TTLL11: variants seen among roughly 807,000 people sequenced by gnomAD.
TTLL11 encodes tubulin tyrosine ligase like 11, also known as tubulin polyglutamylase TTLL11.
A neutral mutation model predicts 51.7 loss-of-function variants in TTLL11; 42 were observed. The observed-to-expected ratio is 0.81, with a 90% CI of 0.64 to 1.05. The LOEUF is 1.05. Ranked by LOEUF, TTLL11 falls within the 50% of genes least tolerant of loss-of-function variation. The pLI is 0.00. For synonymous variants in TTLL11, 381 were observed against 383.5 expected (o/e 0.99, Z 0.08); for missense variants, 799 against 940.4 (o/e 0.85, Z 1.97).
rs534529811 is a variant in TTLL11 at position 121,890,397 on chromosome 9, G to A, written c.1482-19649C>T. Among the ~76,000 whole-genome samples, 37 of 152,166 alleles carry A rather than the reference G, an allele frequency of 2.4e-4. No individual in the cohort carries two copies. Among genetic ancestry groups the A allele is most frequent in the Admixed American group, 1.6e-3 (24 of 15,294 alleles). ...ACCAGTTTCCTGGCTCGCAACCTCC[G>A]CTTCCAATGTGTCCTTCATGTCATA... On this transcript the variant is annotated intron_variant, in intron 6 of 8. Transcript: ENST00000321582. The surrounding 1 kb of genome is among the most constrained non-coding windows in gnomAD (Gnocchi z 4.3).
rs570626705 is a variant in TTLL11 at position 122,078,883 on chromosome 9, T to G, written c.462+13804A>C. Among the ~76,000 whole-genome samples, 12 of 152,300 alleles carry G rather than the reference T, an allele frequency of 7.9e-5. No homozygotes were observed. The South Asian group carries it at 2.5e-3, about 32-fold the overall frequency. ...TCATAAGGAGTCTGAACTTTGTTCT[T>G]CAGGAAAATATTCAAAATTTCCCTG... is the stretch of plus-strand genomic sequence containing the variant. On this transcript the variant is annotated intron_variant, in intron 1 of 8. Coordinates refer to ENST00000321582, the MANE Select transcript of TTLL11 (RefSeq NM_001139442.2).
chr9:121,964,720 TC>T (rs1842350495), intron 6 of TTLL11, among the ~76,000 whole-genome samples: 1 of 152,028 alleles, frequency 6.6e-6, no homozygotes, highest in East Asian at 1.9e-4. Context: ...TCCTCGAGGC[TC>T]CCCCAACAGA....
intron 6 of TTLL11, among the ~76,000 whole-genome samples, chr9:121,879,774 TGG>T (rs1838711232): frequency 6.5e-5 from 3 of 46,064 alleles, no homozygotes; most frequent in Admixed American, 1.7e-4. Context: ...TAGACCAGGC[TGG>T]GCAACATAGC....
intron 7 of TTLL11, among the ~76,000 whole-genome samples, chr9:121,860,886 T>C (rs1018374278): frequency 6.6e-6 from 1 of 152,162 alleles, no homozygotes; most frequent in Non-Finnish European, 1.5e-5. Context: ...ACATTGTTTT[T>C]GTTTGGATTG....
chr9:122,052,510 C>A (rs1845190308), intron 1 of TTLL11, among the ~76,000 whole-genome samples: 1 of 152,188 alleles, frequency 6.6e-6, no homozygotes, highest in Non-Finnish European at 1.5e-5. Flanking sequence ...TAGCACGGGG[C>A]CTGGCACACA....
At chr9:121,947,340 A>T (rs2131593947) in intron 6 of TTLL11, among the ~76,000 whole-genome samples, 1 of 152,334 alleles carries the variant, frequency 6.6e-6, no homozygotes, top group Non-Finnish European at 1.5e-5. Flanking sequence ...GGCACCAAGA[A>T]AAAAGAAAAA....
At chr9:121,844,761 G>T (rs1729528433) in intron 8 of TTLL11, among the ~76,000 whole-genome samples, 1 of 151,974 alleles carries the variant, frequency 6.6e-6, no homozygotes, top group African/African-American at 2.4e-5. Context: ...ATTGGATACA[G>T]TCAAAGAAAG....
chr9:121,947,211 A>G (rs1415293799), intron 6 of TTLL11, among the ~76,000 whole-genome samples: 1 of 152,192 alleles, frequency 6.6e-6, no homozygotes, highest in Non-Finnish European at 1.5e-5. Flanking sequence ...AACCACTGAT[A>G]GCCTGAAATT....
intron 8 of TTLL11, among the ~76,000 whole-genome samples, chr9:121,825,692 C>A (rs950422068): frequency 2.0e-4 from 30 of 152,172 alleles, no homozygotes; most frequent in African/African-American, 6.8e-4. Context: ...TTCTAGCAAG[C>A]TTCCTGGTGG....
chr9:121,901,774 G>T (rs1348559960), intron 6 of TTLL11, among the ~76,000 whole-genome samples: 1 of 152,058 alleles, frequency 6.6e-6, no homozygotes, highest in Non-Finnish European at 1.5e-5. Flanking sequence ...GTCTCCATGT[G>T]GCCCCAAGGT....
chr9:122,039,491 C>T (rs1844785921), intron 1 of TTLL11, 123 bp from the exon 2 acceptor site: 1 of 652,432 alleles, frequency 1.5e-6, no homozygotes, highest in South Asian at 1.9e-5. Flanking sequence ...TTATAATACG[C>T]ATATGAGGTA....
chr9:121,950,264 C>T (rs192538488), intron 6 of TTLL11, among the ~76,000 whole-genome samples: 39 of 152,258 alleles, frequency 2.6e-4, no homozygotes, highest in Admixed American at 2.4e-3. Context: ...TCACTCTTTG[C>T]AGGCAGTGAG....
At chr9:121,834,214 C>A (rs570357870) in intron 8 of TTLL11, among the ~76,000 whole-genome samples, 1 of 152,194 alleles carries the variant, frequency 6.6e-6, no homozygotes, top group Non-Finnish European at 1.5e-5. Flanking sequence ...TGCAGCCCAG[C>A]TCCCTGTCTG....
chr9:121,825,021 G>A (rs1022252977), intron 8 of TTLL11, among the ~76,000 whole-genome samples: 2 of 152,210 alleles, frequency 1.3e-5, no homozygotes, highest in African/African-American at 2.4e-5. Context: ...GCGCTGCTCT[G>A]TTTGATCCTG....
chr9:121,824,430 C>T (rs898636476), intron 8 of TTLL11, among the ~76,000 whole-genome samples: 10 of 145,762 alleles, frequency 6.9e-5, no homozygotes, highest in African/African-American at 1.3e-4. Flanking sequence ...GAGCCAAGAT[C>T]ACGCCACTGC....
chr9:122,086,387 G>A (rs1405718093), intron 1 of TTLL11, among the ~76,000 whole-genome samples: 1 of 152,176 alleles, frequency 6.6e-6, no homozygotes, highest in East Asian at 1.9e-4. Context: ...TGTATCTGTG[G>A]AAGGAGAACA....
chr9:122,040,521 A>G (rs143539217), intron 1 of TTLL11: 2 of 620,822 alleles, frequency 3.2e-6, no homozygotes, highest in East Asian at 2.8e-4. Flanking sequence ...GTTCATATTC[A>G]GAATTTGCTT....
At chr9:121,881,199 C>T (rs1240341500) in intron 6 of TTLL11, among the ~76,000 whole-genome samples, 1 of 152,212 alleles carries the variant, frequency 6.6e-6, no homozygotes, top group Non-Finnish European at 1.5e-5. Context: ...CTTTTAATTA[C>T]ATACTCAGTG....
At chr9:121,872,350 A>C (rs557200781) in intron 6 of TTLL11, among the ~76,000 whole-genome samples, 1 of 152,306 alleles carries the variant, frequency 6.6e-6, no homozygotes, top group African/African-American at 2.4e-5. Context: ...TCATGCCTGC[A>C]CTGCACTGGT....
Sources: allele counts gnomAD v4.1 joint callset (sites outside exome capture counted in the v4.1 genomes callset), GRCh38; gene constraint gnomAD v4.1.1; non-coding constraint Gnocchi (gnomAD v3.1); transcripts MANE v1.5; gene names NCBI Gene and HGNC (gene_info 2026-07-23, HGNC 2026-07-21).